The following FAM13B variants were observed in gnomAD, a reference collection of about 807,000 sequenced individuals.
FAM13B encodes protein FAM13B.
FAM13B carries 60 observed loss-of-function variants against 117.3 expected under a neutral mutation model. That is an observed-to-expected ratio of 0.51 (90% CI 0.42 to 0.63). The LOEUF is 0.63. Among genes scored for constraint, FAM13B ranks in the 30% least tolerant of loss-of-function variants. The pLI is 0.00. For missense variants in FAM13B, 972 were observed against 1,091.9 expected (o/e 0.89, Z 1.55); for synonymous variants, 332 against 356.1 (o/e 0.93, Z 0.76).
chr5:137,942,245 G>A (rs1387414763), intron 22 of FAM13B, 200 bp from the exon 23 acceptor site: 2 of 581,026 alleles, frequency 3.4e-6, no homozygotes, highest in South Asian at 2.2e-5. Context: ...AGTGAAGTCA[G>A]GGCTCAGAAC....
chr5:138,032,474 C>G (rs1790363437), intron 1 of FAM13B, among the ~76,000 whole-genome samples: 1 of 152,298 alleles, frequency 6.6e-6, no homozygotes, highest in South Asian at 2.1e-4. Context: ...CGTGGGGTGT[C>G]GCGCCATCTA....
Position 138,018,942 on chromosome 5 carries a change from A to C in FAM13B, c.157+13T>G. On this transcript the variant is annotated intron_variant, in intron 3 of 23. Transcript: ENST00000689681. ...AAAACAAAAGCTAGCCCTCAAAGTAAGGAAATGTATACCATGTTCCTCAAT... is the reference window on the plus strand; with the variant it reads ...AAAACAAAAGCTAGCCCTCAAAGTACGGAAATGTATACCATGTTCCTCAAT... 1.9e-6 allele frequency: 3 copies of C among 1,589,734 alleles called. No homozygotes were observed. Among genetic ancestry groups the C allele is most frequent in the Non-Finnish European group, 2.6e-6 (3 of 1,165,734 alleles).
At chr5:137,981,918 G>T (rs1775874603) in intron 10 of FAM13B, among the ~76,000 whole-genome samples, 1 of 152,170 alleles carries the variant, frequency 6.6e-6, no homozygotes, top group Non-Finnish European at 1.5e-5. Flanking sequence ...TAAAACTGAG[G>T]AAGTATCTGC....
chr5:138,041,237 T>A (rs115272468), intron 1 of FAM13B, among the ~76,000 whole-genome samples: 2 of 152,128 alleles, frequency 1.3e-5, no homozygotes, highest in Non-Finnish European at 2.9e-5. Context: ...ATGCGAGAAG[T>A]AATGGTGAAC....
intron 1 of FAM13B, among the ~76,000 whole-genome samples, chr5:138,048,552 C>T (rs1162212561): frequency 6.6e-6 from 1 of 152,132 alleles, no homozygotes; most frequent in African/African-American, 2.4e-5. Flanking sequence ...CAGCCTAGCA[C>T]CAGGTGGTGT....
intron 1 of FAM13B, among the ~76,000 whole-genome samples, chr5:138,043,574 G>A (rs1383472225): frequency 6.6e-6 from 1 of 151,362 alleles, no homozygotes. Context: ...CAAGTAGCTG[G>A]GACTACAGGC....
intron 10 of FAM13B, among the ~76,000 whole-genome samples, chr5:137,967,416 C>T (rs1181500246): frequency 1.3e-5 from 2 of 151,864 alleles, no homozygotes; most frequent in Non-Finnish European, 2.9e-5. Flanking sequence ...CCTAGCTACT[C>T]GGGAGGCTGA....
In FAM13B at chr5:137,938,722, C is replaced by T. The variant is rs1459906491; in HGVS notation, c.*1503G>A. Reference sequence around the variant, plus strand: ...ACTAGAACTGCTATTTATTATCAAACTACTTCATGTGCTTACTATGTAATA... The same window carrying T: ...ACTAGAACTGCTATTTATTATCAAATTACTTCATGTGCTTACTATGTAATA... On this transcript the variant is annotated 3_prime_UTR_variant, in exon 24 of 24. Transcript: ENST00000689681. The T allele has an allele frequency of 3.3e-5, 5 of 151,796 alleles. 1 individual carries two copies. Among genetic ancestry groups the T allele is most frequent in the Non-Finnish European group, 7.4e-5 (5 of 67,944 alleles). The allele number at this position is 151,796 out of a possible 1,614,324, so 9.4% of individuals were successfully genotyped here. A position where few individuals can be genotyped will look rare whatever the true frequency, so the allele number is the denominator to read the frequency against.
chr5:137,970,389 A>C (rs1343334688), intron 10 of FAM13B, among the ~76,000 whole-genome samples: 3 of 152,062 alleles, frequency 2.0e-5, no homozygotes, highest in African/African-American at 2.4e-5. Flanking sequence ...GAAATAAAAT[A>C]CTTTACAGAC....
chr5:137,991,969 T>C (rs1456113968), intron 7 of FAM13B, among the ~76,000 whole-genome samples: 1 of 152,146 alleles, frequency 6.6e-6, no homozygotes, highest in Non-Finnish European at 1.5e-5. Context: ...TCACCCAGGC[T>C]AGAGTGCAGT....
intron 1 of FAM13B, among the ~76,000 whole-genome samples, chr5:138,024,703 G>A (rs1446067728): frequency 6.6e-6 from 1 of 151,592 alleles, no homozygotes; most frequent in Non-Finnish European, 1.5e-5. Context: ...TTCAATAAAA[G>A]GATTGACACA....
At chr5:137,988,631 T>A (rs372904910) in intron 7 of FAM13B, among the ~76,000 whole-genome samples, 1 of 151,998 alleles carries the variant, frequency 6.6e-6, no homozygotes, top group Non-Finnish European at 1.5e-5. Context: ...ACCCAAGGAG[T>A]TACAATTATT....
chr5:138,039,139 G>A (rs891441069), intron 1 of FAM13B: 2 of 152,076 alleles, frequency 1.3e-5, no homozygotes, highest in Non-Finnish European at 2.9e-5. Flanking sequence ...ATTTGTTTTG[G>A]TTTCTTTATT....
In FAM13B at chr5:138,029,034, A is replaced by C. The variant is rs906127606; in HGVS notation, c.-203+3748T>G. 2.6e-5 allele frequency among the ~76,000 whole-genome samples: 4 copies of C among 152,196 alleles called. No individual in the cohort carries two copies. The East Asian group carries it at 7.7e-4, about 29-fold the overall frequency. On this transcript the variant is annotated intron_variant, in intron 1 of 23. Transcript: ENST00000689681. Reference sequence around the variant, plus strand: ...AGACTTCGTCTCAAAAAAAAGAAAAAAAAAATGACTTCATTTTTGTTTCCC... The same window carrying C: ...AGACTTCGTCTCAAAAAAAAGAAAACAAAAATGACTTCATTTTTGTTTCCC...
intron 4 of FAM13B, among the ~76,000 whole-genome samples, chr5:138,018,069 T>C (rs1473140236): frequency 1.3e-5 from 2 of 152,194 alleles, no homozygotes; most frequent in African/African-American, 4.8e-5. Flanking sequence ...TTTCCTCTTC[T>C]TCACCCTGTT....
At chr5:137,968,923 A>T (rs1277939503) in intron 10 of FAM13B, among the ~76,000 whole-genome samples, 1 of 152,220 alleles carries the variant, frequency 6.6e-6, no homozygotes, top group Non-Finnish European at 1.5e-5. Context: ...ACGGCACACC[A>T]GGACATTATA....
chr5:138,008,181 T>G (rs969990211), intron 6 of FAM13B, among the ~76,000 whole-genome samples: 1 of 152,182 alleles, frequency 6.6e-6, no homozygotes, highest in Non-Finnish European at 1.5e-5. Flanking sequence ...GGCTCACACC[T>G]ATAATCCCAG....
At chr5:137,953,700 C>T (rs115531756) in intron 15 of FAM13B, among the ~76,000 whole-genome samples, 60 of 152,232 alleles carry the variant, frequency 3.9e-4, no homozygotes, top group Admixed American at 1.7e-3. Context: ...TGGACAAAGG[C>T]AGCAAAGAAA....
chr5:137,949,271 G>A (rs1764271789), intron 17 of FAM13B, 87 bp from the exon 18 acceptor site: 2 of 967,090 alleles, frequency 2.1e-6, no homozygotes, highest in Admixed American at 3.8e-5. Flanking sequence ...CAACAAGAAA[G>A]TATACATTAA....
Sources: allele counts gnomAD v4.1 joint callset (sites outside exome capture counted in the v4.1 genomes callset), GRCh38; gene constraint gnomAD v4.1.1; transcripts MANE v1.5; gene names NCBI Gene and HGNC (gene_info 2026-07-23, HGNC 2026-07-21).